Variants in BTBD10 observed in about 807,000 individuals in gnomAD.
BTBD10 encodes the protein BTB domain containing 10.
A neutral mutation model predicts 53.2 loss-of-function variants in BTBD10; 21 were observed. The observed-to-expected ratio is 0.39, with a 90% confidence interval of 0.28 to 0.57. BTBD10 has a LOEUF of 0.57. Among genes scored for constraint, BTBD10 ranks in the 20% least tolerant of loss-of-function variants. The pLI, the probability that BTBD10 is intolerant of heterozygous loss-of-function variation, is 0.53. For missense variants in BTBD10, 360 were observed against 594.7 expected, an observed-to-expected ratio of 0.61 and a Z score of 4.10; for synonymous variants, 149 against 192.7, an observed-to-expected ratio of 0.77 and a Z score of 1.88.
chr11:13,388,934 A>G lies in BTBD10; in HGVS notation c.1325T>C (p.Val442Ala), dbSNP rs745481973. 1.2e-6 allele frequency: 2 copies of G among 1,614,098 alleles called. No homozygotes were observed. The highest frequency in any genetic ancestry group is 1.3e-5 in the African/African-American group (1 of 74,940). The change falls in exon 9 of 9, where the codon GTC becomes GCC. Residue 442 changes from valine (V) to alanine (A), a missense_variant. By Grantham distance (64) the Val-to-Ala change is moderately conservative. Coordinates refer to ENST00000278174, the MANE Select transcript of BTBD10 (RefSeq NM_032320.7). ...AADIPQDQLV[V>A]MHPTPQVDEL... ...ATCCACTTGTGGAGTTGGATGCATG[A>G]CTACCAGCTGGTCCTGGGGAATGTC...
At chr11:13,451,907 A>C (rs1381383579) in intron 1 of BTBD10, among the ~76,000 whole-genome samples, 2 of 152,200 alleles carry the variant, frequency 1.3e-5, no homozygotes, top group Non-Finnish European at 2.9e-5. Context: ...CTCAGTAGAG[A>C]GGTGCCAACT....
intron 2 of BTBD10, among the ~76,000 whole-genome samples, chr11:13,437,754 G>A (rs2134014459): frequency 6.6e-6 from 1 of 152,244 alleles, no homozygotes; most frequent in East Asian, 1.9e-4. Flanking sequence ...CTTCAAGTCA[G>A]TCATAAATGA....
chr11:13,442,201 A>C (rs1306449524), intron 2 of BTBD10, among the ~76,000 whole-genome samples: 1 of 152,154 alleles, frequency 6.6e-6, no homozygotes. Context: ...CTTTTACTCA[A>C]ACATACCTAA....
rs1407931911 is a variant in BTBD10 at position 13,457,210 on chromosome 11, T to C, written c.-58+5882A>G. ...AATAAAATAAAAAGAAAAACACAGATTATATAACCCTGGTAGAAAGGAATT... is the reference window on the plus strand; with the variant it reads ...AATAAAATAAAAAGAAAAACACAGACTATATAACCCTGGTAGAAAGGAATT... On this transcript the variant is annotated intron_variant, in intron 1 of 8. Transcript: ENST00000278174. Among the ~76,000 whole-genome samples the C allele has an allele frequency of 3.3e-5, 5 of 151,906 alleles. No homozygotes were observed. The South Asian group carries it at 6.2e-4, about 19-fold the overall frequency.
At position 13,388,930 on chromosome 11, in the gene BTBD10, C is replaced by T. The variant is rs1417756321; in HGVS notation, c.1329G>A (p.Met443Ile). 3 of 1,614,196 alleles carry T rather than the reference C, an allele frequency of 1.9e-6. No individual in the cohort carries two copies. Among genetic ancestry groups the T allele is most frequent in the East Asian group, 4.5e-5 (2 of 44,884 alleles). The change falls in exon 9 of 9, where the codon ATG becomes ATA. Residue 443 changes from methionine to isoleucine, a missense_variant. Transcript: ENST00000278174. The stretch of plus-strand genomic sequence containing the variant: ...GCTCATCCACTTGTGGAGTTGGATG[C>T]ATGACTACCAGCTGGTCCTGGGGAA... ...ADIPQDQLVV[M>I]HPTPQVDELD...
At chr11:13,438,894 T>G (rs910547853) in intron 2 of BTBD10, among the ~76,000 whole-genome samples, 1 of 151,980 alleles carries the variant, frequency 6.6e-6, no homozygotes, top group Non-Finnish European at 1.5e-5. Flanking sequence ...TTTATAACTC[T>G]ATTTAATAAG....
In BTBD10 at chr11:13,388,660, TAAAA is replaced by T; in HGVS notation, c.*167_*170del. On this transcript the variant is annotated 3_prime_UTR_variant, in exon 9 of 9. Transcript: ENST00000278174. ...TCAAAATGCTAGAGTTGTACTCATT[TAAAA>T]AAAAACCATTCAGCTACCTTTGGTC... The T allele has an allele frequency of 3.2e-6, 2 of 632,146 alleles. No homozygotes were observed. Among genetic ancestry groups the T allele is most frequent in the Non-Finnish European group, 5.2e-6 (2 of 384,928 alleles). The allele number at this position is 632,146 out of a possible 1,614,324, so 39.2% of individuals were successfully genotyped here.
chr11:13,409,035 A>G (rs886682830), intron 6 of BTBD10, among the ~76,000 whole-genome samples: 5 of 152,110 alleles, frequency 3.3e-5, no homozygotes, highest in South Asian at 2.1e-4. Flanking sequence ...AACCCGTCCC[A>G]TATCTTCCAA....
intron 8 of BTBD10, among the ~76,000 whole-genome samples, chr11:13,400,427 T>C (rs1218703108): frequency 6.6e-6 from 1 of 152,192 alleles, no homozygotes; most frequent in African/African-American, 2.4e-5. Flanking sequence ...GTGACCCGAT[T>C]TTCCAGGTGC....
intron 5 of BTBD10, among the ~76,000 whole-genome samples, chr11:13,414,513 G>T (rs970859493): frequency 6.6e-6 from 1 of 152,068 alleles, no homozygotes; most frequent in African/African-American, 2.4e-5. Context: ...AATTAGCCGG[G>T]TGTGGTGGCA....
intron 1 of BTBD10, among the ~76,000 whole-genome samples, chr11:13,462,152 A>C (rs1951115675): frequency 6.6e-6 from 1 of 152,118 alleles, no homozygotes; most frequent in East Asian, 1.9e-4. Context: ...CTTTCATTGA[A>C]AATTTATCCC....
At chr11:13,448,944 A>G (rs1270258965) in intron 1 of BTBD10, among the ~76,000 whole-genome samples, 1 of 152,224 alleles carries the variant, frequency 6.6e-6, no homozygotes, top group Non-Finnish European at 1.5e-5. Flanking sequence ...TACTATGTTT[A>G]GGCATGATAG....
chr11:13,409,067 A>G (rs1353624341), intron 6 of BTBD10, among the ~76,000 whole-genome samples: 3 of 152,094 alleles, frequency 2.0e-5, no homozygotes, highest in African/African-American at 7.2e-5. Flanking sequence ...GTAAAAGCCA[A>G]AACATAAAGG....
chr11:13,421,596 T>C (rs767392503), intron 3 of BTBD10, 46 bp downstream of exon 3: 5 of 1,506,828 alleles, frequency 3.3e-6, no homozygotes, highest in Non-Finnish European at 4.5e-6. Context: ...AAAAGGTAAA[T>C]GCATGTTTTT....
At chr11:13,431,674 G>A (rs1469087313) in intron 2 of BTBD10, among the ~76,000 whole-genome samples, 1 of 152,004 alleles carries the variant, frequency 6.6e-6, no homozygotes. Flanking sequence ...ATTGCTTCTT[G>A]GCCTTTTGGC....
At chr11:13,441,766 C>T (rs1040324376) in intron 2 of BTBD10, among the ~76,000 whole-genome samples, 7 of 152,042 alleles carry the variant, frequency 4.6e-5, no homozygotes, top group Non-Finnish European at 1.5e-5. Flanking sequence ...GCTATAAAAA[C>T]TAAACAATAA....
intron 6 of BTBD10, 145 bp from the exon 7 acceptor site, chr11:13,406,001 T>G: frequency 1.4e-6 from 1 of 737,654 alleles, no homozygotes; most frequent in East Asian, 2.7e-5. Flanking sequence ...TGCCTAATAT[T>G]ACAAAACTAA....
chr11:13,403,083 C>T, intron 8 of BTBD10, 85 bp downstream of exon 8: 1 of 853,474 alleles, frequency 1.2e-6, no homozygotes. Flanking sequence ...CAAAGTATTC[C>T]AACTGTATTC....
At chr11:13,458,749 T>A (rs1210643553) in intron 1 of BTBD10, among the ~76,000 whole-genome samples, 1 of 152,202 alleles carries the variant, frequency 6.6e-6, no homozygotes, top group Non-Finnish European at 1.5e-5. Flanking sequence ...AACAAGAATG[T>A]CTCGCAGTTA....
Sources: gnomAD v4.1 joint callset for allele counts (sites outside exome capture counted in the v4.1 genomes callset) on GRCh38, gnomAD v4.1.1 for gene constraint, MANE v1.5 for transcripts, NCBI Gene and HGNC (gene_info 2026-07-23, HGNC 2026-07-21) for gene names.